The following HPSE2 variants were observed in gnomAD, a reference collection of about 807,000 sequenced individuals.
The protein encoded by HPSE2 is heparanase 2 (inactive), also known as inactive heparanase-2.
HPSE2 carries 38 observed loss-of-function variants against 60.5 expected under a neutral mutation model. That is an observed-to-expected ratio of 0.63 (90% CI 0.48 to 0.82). The LOEUF is 0.82. Among genes scored for constraint, HPSE2 ranks in the 40% least tolerant of loss-of-function variants. The pLI is 0.00. For synonymous variants in HPSE2, 295 were observed against 293.2 expected (o/e 1.01, Z -0.06); for missense variants, 713 against 740.4 (o/e 0.96, Z 0.43).
At chr10:99,193,242 T>C (rs1277906600) in intron 2 of HPSE2, among the ~76,000 whole-genome samples, 7 of 152,052 alleles carry the variant, frequency 4.6e-5, no homozygotes, top group Non-Finnish European at 1.0e-4. Flanking sequence ...ACGGTATTAT[T>C]TGTCTCATGG....
intron 3 of HPSE2, among the ~76,000 whole-genome samples, chr10:99,031,491 A>C (rs1046422191): frequency 2.0e-5 from 3 of 152,186 alleles, no homozygotes; most frequent in Non-Finnish European, 4.4e-5. Context: ...TCCATAATAC[A>C]CAGCACAGTC....
chr10:98,948,719 C>T (rs1161066735), intron 3 of HPSE2, among the ~76,000 whole-genome samples: 3 of 152,074 alleles, frequency 2.0e-5, no homozygotes, highest in Non-Finnish European at 4.4e-5. Context: ...TCTACCTCAT[C>T]TACTTCTTCA....
At chr10:99,266,178 C>G in the HPSE2 span, among the ~76,000 whole-genome samples, 4 of 152,148 alleles carry the variant, frequency 2.6e-5, no homozygotes, top group Non-Finnish European at 5.9e-5. Flanking sequence ...AGCACAGAAG[C>G]CACAGCAGGT....
chr10:98,725,307 C>CAG (rs1202175716), intron 4 of HPSE2, among the ~76,000 whole-genome samples: 4 of 152,124 alleles, frequency 2.6e-5, no homozygotes, highest in African/African-American at 9.7e-5. Context: ...ACCAATGGAA[C>CAG]AGAACAGAGC....
the HPSE2 span, among the ~76,000 whole-genome samples, chr10:99,294,893 T>C: frequency 3.3e-5 from 5 of 151,700 alleles, no homozygotes; most frequent in Admixed American, 6.6e-5. Flanking sequence ...TAAGTGGAGG[T>C]TGCAGTGAGT....
intron 9 of HPSE2, among the ~76,000 whole-genome samples, chr10:98,574,199 A>C (rs1000493563): frequency 3.9e-5 from 6 of 152,230 alleles, no homozygotes; most frequent in African/African-American, 1.4e-4. Flanking sequence ...TCTTAAAGAC[A>C]GCAGTATCTT....
chr10:98,667,251 A>T (rs1947388036), intron 6 of HPSE2, among the ~76,000 whole-genome samples: 1 of 152,126 alleles, frequency 6.6e-6, no homozygotes, highest in South Asian at 2.1e-4. Context: ...CCTGAACAGA[A>T]CAATAATAAA....
At chr10:99,305,685 A>G in the HPSE2 span, among the ~76,000 whole-genome samples, 1 of 152,138 alleles carries the variant, frequency 6.6e-6, no homozygotes, top group East Asian at 1.9e-4. Context: ...TAGGTCATAC[A>G]GATATTGGAG....
intron 10 of HPSE2, among the ~76,000 whole-genome samples, chr10:98,484,996 TG>T (rs1456854361): frequency 6.6e-6 from 1 of 152,198 alleles, no homozygotes; most frequent in Non-Finnish European, 1.5e-5. Context: ...AAGTCAACTT[TG>T]CCCAGAGGAA....
At chr10:98,612,569 G>A (rs893708721) in intron 9 of HPSE2, among the ~76,000 whole-genome samples, 1 of 151,966 alleles carries the variant, frequency 6.6e-6, no homozygotes. Context: ...GCCAGGAATA[G>A]CAATCAGCAC....
At chr10:98,717,872 C>T (rs1256682084) in intron 5 of HPSE2, among the ~76,000 whole-genome samples, 1 of 151,936 alleles carries the variant, frequency 6.6e-6, no homozygotes, top group Non-Finnish European at 1.5e-5. Flanking sequence ...ATGAGGTTTG[C>T]CTGTACTCAT....
At chr10:99,285,186 T>A in the HPSE2 span, among the ~76,000 whole-genome samples, 1 of 151,648 alleles carries the variant, frequency 6.6e-6, no homozygotes, top group Non-Finnish European at 1.5e-5. Context: ...TCCCAACACT[T>A]TGGCAGGCTG....
At chr10:98,721,926 G>GAA (rs11352482) in intron 4 of HPSE2, 98 bp from the exon 5 acceptor site, 413 of 780,130 alleles carry the variant, frequency 5.3e-4, no homozygotes, top group East Asian at 5.1e-3. Context: ...TTAATAATAT[G>GAA]AAAAAAAAAA....
intron 3 of HPSE2, among the ~76,000 whole-genome samples, chr10:98,880,009 T>A (rs1952981171): frequency 6.6e-6 from 1 of 152,038 alleles, no homozygotes; most frequent in Admixed American, 6.6e-5. Context: ...GCTGCTCTAT[T>A]CTGATGTTAC....
intron 3 of HPSE2, among the ~76,000 whole-genome samples, chr10:98,860,314 C>G (rs1469966625): frequency 6.6e-6 from 1 of 152,088 alleles, no homozygotes; most frequent in Non-Finnish European, 1.5e-5. Context: ...GCCTTGAATT[C>G]TTTTGAGAAT....
intron 6 of HPSE2, among the ~76,000 whole-genome samples, chr10:98,690,501 T>G (rs1764353): frequency 6.6e-6 from 1 of 151,848 alleles, no homozygotes; most frequent in Admixed American, 6.6e-5. Context: ...GATCGTGCCA[T>G]TGCACTCCAG....
chr10:98,659,210 A>C (rs2134081466), intron 6 of HPSE2, among the ~76,000 whole-genome samples: 1 of 152,238 alleles, frequency 6.6e-6, no homozygotes, highest in Middle Eastern at 3.4e-3. Context: ...GATTGGTTCC[A>C]GGACCTCCAT....
At chr10:99,146,436 T>A (rs1846055940) in intron 2 of HPSE2, among the ~76,000 whole-genome samples, 1 of 152,196 alleles carries the variant, frequency 6.6e-6, no homozygotes, top group Non-Finnish European at 1.5e-5. Flanking sequence ...CCTTGCCAGA[T>A]TAAAAGAGAG....
intron 9 of HPSE2, among the ~76,000 whole-genome samples, chr10:98,534,327 C>T (rs143938265): frequency 6.6e-6 from 1 of 152,304 alleles, no homozygotes; most frequent in Non-Finnish European, 1.5e-5. Context: ...AAGAAATCTG[C>T]CTCATAGTCA....
Sources: gnomAD v4.1 joint callset for allele counts (sites outside exome capture counted in the v4.1 genomes callset) on GRCh38, gnomAD v4.1.1 for gene constraint, MANE v1.5 for transcripts, NCBI Gene and HGNC (gene_info 2026-07-23, HGNC 2026-07-21) for gene names.